Variants in C19orf12 observed in about 807,000 individuals in gnomAD.
The protein encoded by C19orf12 is chromosome 19 open reading frame 12.
In C19orf12, 2 loss-of-function variants were observed where a neutral mutation model predicts 3.8. That is an observed-to-expected ratio of 0.53 (90% confidence interval 0.22 to 1.66). The LOEUF is 1.66. C19orf12 is among the 40% of genes most tolerant of loss of function. C19orf12 has a pLI of 0.20. For synonymous variants in C19orf12, 89 were observed against 84.6 expected, an observed-to-expected ratio of 1.05 and a Z score of -0.28; for missense variants, 156 against 188.8, an observed-to-expected ratio of 0.83 and a Z score of 1.02.
intron 1 of C19orf12, among the ~76,000 whole-genome samples, chr19:29,714,030 C>A: frequency 6.6e-6 from 1 of 151,828 alleles, no homozygotes; most frequent in Non-Finnish European, 1.5e-5. Context: ...CTCTCCCCTT[C>A]CTTCCTGCTT....
intron 2 of C19orf12, chr19:29,705,246 T>C (rs1377604042): frequency 2.4e-6 from 1 of 411,700 alleles, no homozygotes; most frequent in South Asian, 1.7e-5. Context: ...ACTGGCAAAT[T>C]CAAACTGAGA....
rs751271228 is a variant in C19orf12 at position 29,701,334 on chromosome 19, T to C, written c.*1378A>G. 30 of 454,014 alleles carry C rather than the reference T, an allele frequency of 6.6e-5. 1 individual carries two copies. The highest frequency in any genetic ancestry group is 1.1e-4 in the South Asian group (7 of 64,478). 28.1% of individuals were successfully genotyped at this position (454,014 alleles called of 1,614,324 possible). A position where few individuals can be genotyped will look rare whatever the true frequency, so the allele number is the denominator to read the frequency against. ...GGATGCTCAAGTCCCTGATGGGCAATGGCATAGCGTTTGCACGTAACCTAC... is the reference window on the plus strand; with the variant it reads ...GGATGCTCAAGTCCCTGATGGGCAACGGCATAGCGTTTGCACGTAACCTAC... On this transcript the variant is annotated 3_prime_UTR_variant, in exon 3 of 3. Transcript: ENST00000323670.
chr19:29,708,515 G>T, intron 1 of C19orf12, 92 bp from the exon 2 acceptor site: 8 of 1,545,122 alleles, frequency 5.2e-6, no homozygotes, highest in Non-Finnish European at 7.1e-6. Context: ...TTAAGGAAGG[G>T]TCCCCCTTTT....
At chr19:29,705,085 C>T (rs62105841) in intron 2 of C19orf12, among the ~76,000 whole-genome samples, 8,830 of 152,260 alleles carry the variant, frequency 0.058, 391 homozygotes, top group South Asian at 0.19. Flanking sequence ...ACCCAGCAAA[C>T]ATGCCCTTAA....
intron 1 of C19orf12, among the ~76,000 whole-genome samples, chr19:29,712,612 G>A (rs976114590): frequency 2.6e-5 from 4 of 152,054 alleles, no homozygotes; most frequent in Non-Finnish European, 5.9e-5. Flanking sequence ...ACAGTGGGGC[G>A]GGGGACTCAG....
intron 1 of C19orf12, among the ~76,000 whole-genome samples, chr19:29,709,509 T>C (rs1972555909): frequency 6.6e-6 from 1 of 151,566 alleles, no homozygotes; most frequent in Non-Finnish European, 1.5e-5. Context: ...AAGTTATGGA[T>C]AGATTCTATT....
At chr19:29,710,620 A>G (rs1972616163) in intron 1 of C19orf12, among the ~76,000 whole-genome samples, 1 of 152,106 alleles carries the variant, frequency 6.6e-6, no homozygotes, top group Admixed American at 6.5e-5. Context: ...TTTTGTCCCC[A>G]TGGAGTATGA....
chr19:29,702,580 C>T lies in C19orf12; in HGVS notation c.*132G>A, dbSNP rs776079532. The T allele has an allele frequency of 7.3e-6, 9 of 1,232,454 alleles. No individual in the cohort carries two copies. In the African/African-American group the frequency reaches 8.9e-5, roughly 12 times the overall value. The allele number at this position is 1,232,454 out of a possible 1,614,324, so 76.3% of individuals were successfully genotyped here. ...CACAGCGGTGGCCTCTCCAGCGGGACATTACTAGTAATACACTGATGATGT... is the reference window on the plus strand; with the variant it reads ...CACAGCGGTGGCCTCTCCAGCGGGATATTACTAGTAATACACTGATGATGT... On this transcript the variant is annotated 3_prime_UTR_variant, in exon 3 of 3. Coordinates refer to ENST00000323670, the MANE Select transcript of C19orf12 (RefSeq NM_031448.6).
intron 2 of C19orf12, among the ~76,000 whole-genome samples, chr19:29,703,941 G>A (rs553916837): frequency 1.3e-5 from 2 of 152,104 alleles, no homozygotes; most frequent in African/African-American, 4.8e-5. Context: ...AGTGAGCCGA[G>A]ATCATACCCT....
chr19:29,709,482 CA>C (rs1297981836), intron 1 of C19orf12, among the ~76,000 whole-genome samples: 1 of 151,936 alleles, frequency 6.6e-6, no homozygotes, highest in African/African-American at 2.4e-5. Flanking sequence ...ACAGGTGCTA[CA>C]GCAATTCAAC....
chr19:29,715,328 TCCTGGCTCCGAGC>T, upstream of C19orf12: 4 of 390,086 alleles, frequency 1.0e-5, no homozygotes, highest in South Asian at 7.0e-5. Flanking sequence ...CCGGGCCAGC[TCCTGGCTCCGAGC>T]TGCGCCCGGC....
chr19:29,700,121 C>T lies in C19orf12; in HGVS notation c.*2591G>A. 1 of 454,054 alleles carries T rather than the reference C, an allele frequency of 2.2e-6. No individual in the cohort carries two copies. The highest frequency in any genetic ancestry group is 4.4e-6 in the Non-Finnish European group (1 of 226,770). 28.1% of individuals were successfully genotyped at this position (454,054 alleles called of 1,614,324 possible). On this transcript the variant is annotated 3_prime_UTR_variant, in exon 3 of 3. Transcript: ENST00000323670. Reference sequence around the variant, plus strand: ...TTTCCCTGCAGTAGGGGTGGGCAGGCTGTGGGAGGGGCTGCAGTGGACACT... The same window carrying T: ...TTTCCCTGCAGTAGGGGTGGGCAGGTTGTGGGAGGGGCTGCAGTGGACACT...
In C19orf12 at chr19:29,702,369, G is replaced by T; in HGVS notation, c.*343C>A. On this transcript the variant is annotated 3_prime_UTR_variant, in exon 3 of 3. Coordinates refer to ENST00000323670, the MANE Select transcript of C19orf12 (RefSeq NM_031448.6). Reference sequence around the variant, plus strand: ...GGGGAGGATGAAGTGTGGTCAGACCGTCGGCTGAGCGTGATCACTTCCCCA... The same window carrying T: ...GGGGAGGATGAAGTGTGGTCAGACCTTCGGCTGAGCGTGATCACTTCCCCA... 1.9e-6 allele frequency: 1 copy of T among 514,944 alleles called. No individual in the cohort carries two copies. The highest frequency in any genetic ancestry group is 3.7e-6 in the Non-Finnish European group (1 of 267,194). The allele number at this position is 514,944 out of a possible 1,614,324, so 31.9% of individuals were successfully genotyped here. A position where few individuals can be genotyped will look rare whatever the true frequency, so the allele number is the denominator to read the frequency against.
chr19:29,715,505 A>C, upstream of C19orf12: 1 of 328,286 alleles, frequency 3.0e-6, no homozygotes, highest in South Asian at 2.1e-5. Flanking sequence ...GCGCTCCCGC[A>C]GGCCCAGCCC....
chr19:29,709,583 G>A (rs1367071107), intron 1 of C19orf12, among the ~76,000 whole-genome samples: 1 of 147,710 alleles, frequency 6.8e-6, no homozygotes, highest in Non-Finnish European at 1.5e-5. Flanking sequence ...AGGCTGGAGT[G>A]CAGTGGCATG....
intron 1 of C19orf12, among the ~76,000 whole-genome samples, chr19:29,713,661 G>C (rs1972799936): frequency 6.6e-6 from 1 of 152,146 alleles, no homozygotes; most frequent in Admixed American, 6.5e-5. Context: ...CATAGTTGTT[G>C]TTTTTTTAAA....
intron 2 of C19orf12, chr19:29,705,510 G>GTTT (rs34868329): frequency 3.1e-3 from 640 of 209,456 alleles, no homozygotes; most frequent in Middle Eastern, 0.01. Context: ...GGTTTCTTAG[G>GTTT]TTTTTTTTTT....
intron 2 of C19orf12, among the ~76,000 whole-genome samples, chr19:29,705,772 C>G (rs989534679): frequency 3.9e-5 from 6 of 152,176 alleles, no homozygotes; most frequent in African/African-American, 1.4e-4. Context: ...CAGCCTCAAG[C>G]CTCCCAAAGT....
Position 29,702,672 on chromosome 19 carries a change from A to G in C19orf12, c.*40T>C. ...CCAAGCCACCTCTTCAGAATCACAGAGTCATTTAAAGGGGCCCCCCACCTC... is the reference window on the plus strand; with the variant it reads ...CCAAGCCACCTCTTCAGAATCACAGGGTCATTTAAAGGGGCCCCCCACCTC... On this transcript the variant is annotated 3_prime_UTR_variant, in exon 3 of 3. Transcript: ENST00000323670. 1 of 1,611,468 alleles carries G rather than the reference A, an allele frequency of 6.2e-7. No homozygotes were observed. The highest frequency in any genetic ancestry group is 1.7e-5 in the Admixed American group (1 of 60,004).
Sources: gnomAD v4.1 joint callset for allele counts (sites outside exome capture counted in the v4.1 genomes callset) on GRCh38, gnomAD v4.1.1 for gene constraint, MANE v1.5 for transcripts, NCBI Gene and HGNC (gene_info 2026-07-23, HGNC 2026-07-21) for gene names.